The following RIMS2 variants were observed in gnomAD, a reference collection of about 807,000 sequenced individuals.
RIMS2 encodes regulating synaptic membrane exocytosis 2.
A neutral mutation model predicts 174.4 loss-of-function variants in RIMS2; 59 were observed. The ratio of observed to expected loss-of-function variants is 0.34; its 90% CI spans 0.27 to 0.42. The LOEUF is 0.42. Ranked by LOEUF, RIMS2 falls within the 10% of genes least tolerant of loss-of-function variation. The pLI, the probability that RIMS2 is intolerant of heterozygous loss-of-function variation, is 1.00. For missense variants in RIMS2, 1,620 were observed against 1,666.3 expected (o/e 0.97, Z 0.48); for synonymous variants, 606 against 572.5 (o/e 1.06, Z -0.84).
chr8:103,765,374 G>T (rs961249548), intron 2 of RIMS2, among the ~76,000 whole-genome samples: 2 of 152,118 alleles, frequency 1.3e-5, no homozygotes, highest in African/African-American at 4.8e-5. Context: ...GGGGTTGGAG[G>T]AGAGGAAAAG....
At chr8:103,683,846 C>T (rs949560735) in intron 1 of RIMS2, among the ~76,000 whole-genome samples, 2 of 152,140 alleles carry the variant, frequency 1.3e-5, no homozygotes, top group East Asian at 1.9e-4. Flanking sequence ...GTTAGCAGAG[C>T]TTCACTTAAA....
chr8:103,775,851 C>T (rs2098310271), intron 3 of RIMS2, among the ~76,000 whole-genome samples: 1 of 152,094 alleles, frequency 6.6e-6, no homozygotes, highest in Non-Finnish European at 1.5e-5. Flanking sequence ...GAATATGTAA[C>T]TTAAATATTT....
intron 1 of RIMS2, among the ~76,000 whole-genome samples, chr8:103,695,037 G>C (rs1471463388): frequency 6.6e-6 from 1 of 151,128 alleles, no homozygotes; most frequent in Non-Finnish European, 1.5e-5. Flanking sequence ...ACAATTGCCT[G>C]ATATTGGAGT....
At chr8:104,235,123 C>CA (rs1293986695) in intron 19 of RIMS2, among the ~76,000 whole-genome samples, 1 of 151,870 alleles carries the variant, frequency 6.6e-6, no homozygotes, top group Non-Finnish European at 1.5e-5. Context: ...CATGAGAGAA[C>CA]AAAAAACGTG....
At chr8:104,223,991 A>G (rs991059780) in intron 19 of RIMS2, among the ~76,000 whole-genome samples, 5 of 152,214 alleles carry the variant, frequency 3.3e-5, no homozygotes, top group East Asian at 1.9e-4. Flanking sequence ...AGAGCTCCAC[A>G]GGCGCCGACT....
At chr8:104,227,655 C>T (rs1243960735) in intron 19 of RIMS2, among the ~76,000 whole-genome samples, 1 of 152,154 alleles carries the variant, frequency 6.6e-6, no homozygotes, top group Non-Finnish European at 1.5e-5. Context: ...CTTAATGTTA[C>T]ATGTGGCTCT....
chr8:103,591,184 T>C (rs1174670978), intron 1 of RIMS2, among the ~76,000 whole-genome samples: 1 of 151,184 alleles, frequency 6.6e-6, no homozygotes, highest in African/African-American at 2.4e-5. Flanking sequence ...TTCCATGTGC[T>C]TATTGATCAT....
At chr8:103,529,273 C>G (rs1424192480) in intron 1 of RIMS2, among the ~76,000 whole-genome samples, 2 of 152,174 alleles carry the variant, frequency 1.3e-5, no homozygotes, top group African/African-American at 4.8e-5. Context: ...AGTTGCTTAT[C>G]AGCTTAAGGA....
At chr8:103,751,315 A>G (rs1310231088) in intron 2 of RIMS2, among the ~76,000 whole-genome samples, 1 of 151,866 alleles carries the variant, frequency 6.6e-6, no homozygotes, top group Non-Finnish European at 1.5e-5. Context: ...CATGGTGTAT[A>G]TGTGCCACAT....
intron 19 of RIMS2, among the ~76,000 whole-genome samples, chr8:104,220,186 C>T (rs1196806658): frequency 6.6e-6 from 1 of 152,158 alleles, no homozygotes; most frequent in Non-Finnish European, 1.5e-5. Flanking sequence ...CTTTCTTCCC[C>T]TAAATAAGAT....
intron 1 of RIMS2, among the ~76,000 whole-genome samples, chr8:103,575,600 C>T (rs1293608795): frequency 4.0e-5 from 6 of 150,176 alleles, no homozygotes; most frequent in Admixed American, 3.3e-4. Flanking sequence ...CACTCCCCCA[C>T]CACAGGAAAT....
intron 19 of RIMS2, among the ~76,000 whole-genome samples, chr8:104,228,830 A>G (rs1405843149): frequency 6.6e-6 from 1 of 152,226 alleles, no homozygotes; most frequent in Non-Finnish European, 1.5e-5. Flanking sequence ...AAATGAGTTC[A>G]TACCTTGTTC....
chr8:103,942,775 T>C, exon 14 of RIMS2: 2 of 1,609,758 alleles, frequency 1.2e-6, no homozygotes. Flanking sequence ...GTTTGTAGAT[T>C]TTAATTGAAT....
intron 16 of RIMS2, among the ~76,000 whole-genome samples, chr8:103,983,093 T>C (rs540518445): frequency 2.6e-5 from 4 of 152,294 alleles, no homozygotes; most frequent in Admixed American, 6.5e-5. Context: ...CATTTCTATA[T>C]GGCAACAGTG....
intron 10 of RIMS2, among the ~76,000 whole-genome samples, chr8:103,922,499 T>C (rs749619663): frequency 1.5e-4 from 23 of 151,942 alleles, no homozygotes; most frequent in Non-Finnish European, 2.7e-4. Context: ...AATAGTGAAA[T>C]AATAAATTTA....
At chr8:104,046,920 T>G (rs1415202878) in intron 19 of RIMS2, among the ~76,000 whole-genome samples, 1 of 116,452 alleles carries the variant, frequency 8.6e-6, no homozygotes, top group Non-Finnish European at 2.3e-5. Context: ...CTTAAATATT[T>G]TATTAAGTAT....
intron 19 of RIMS2, among the ~76,000 whole-genome samples, chr8:104,091,653 A>G (rs1299746938): frequency 6.7e-6 from 1 of 150,280 alleles, no homozygotes; most frequent in Non-Finnish European, 1.5e-5. Flanking sequence ...TGTACATATT[A>G]TATATATTAT....
intron 19 of RIMS2, among the ~76,000 whole-genome samples, chr8:104,025,047 A>T (rs2096217732): frequency 6.6e-6 from 1 of 152,206 alleles, no homozygotes; most frequent in African/African-American, 2.4e-5. Flanking sequence ...AGGAAAAAGG[A>T]TGCTGAAAGA....
At chr8:103,881,876 T>C (rs2099168884) in intron 3 of RIMS2, among the ~76,000 whole-genome samples, 1 of 151,404 alleles carries the variant, frequency 6.6e-6, no homozygotes, top group East Asian at 1.9e-4. Context: ...TAGGTAAATA[T>C]AAAGTGAATA....
Sources: gnomAD v4.1 joint callset for allele counts (sites outside exome capture counted in the v4.1 genomes callset) on GRCh38, gnomAD v4.1.1 for gene constraint, MANE v1.5 for transcripts, NCBI Gene and HGNC (gene_info 2026-07-23, HGNC 2026-07-21) for gene names.